The following FAM200B variants were observed in gnomAD, a reference collection of about 807,000 sequenced individuals.
FAM200B encodes zinc finger BED-type containing 11, also known as protein FAM200B.
FAM200B carries 32 observed loss-of-function variants against 33.1 expected under a neutral mutation model. The observed-to-expected ratio is 0.97, with a 90% confidence interval of 0.73 to 1.30. The LOEUF is 1.30. FAM200B is among the 50% of genes most tolerant of loss of function. FAM200B has a pLI of 0.00. For synonymous variants in FAM200B, 240 were observed against 264.8 expected (o/e 0.91, Z 0.91); for missense variants, 741 against 754.0 (o/e 0.98, Z 0.20).
chr4:15,669,845 A>G, the FAM200B span, among the ~76,000 whole-genome samples: 2 of 152,200 alleles, frequency 1.3e-5, no homozygotes, highest in African/African-American at 4.8e-5. Context: ...ATTTTTTATG[A>G]ACTATATTTA....
At chr4:15,682,980 C>T (rs1478475497) in intron 1 of FAM200B, among the ~76,000 whole-genome samples, 5 of 152,164 alleles carry the variant, frequency 3.3e-5, no homozygotes, top group Admixed American at 1.3e-4. Context: ...TACACAAGCT[C>T]GGCGCCATTA....
intron 1 of FAM200B, 136 bp downstream of exon 1, chr4:15,682,037 A>T (rs1049155256): frequency 6.6e-6 from 1 of 152,404 alleles, no homozygotes; most frequent in East Asian, 1.9e-4. Context: ...AGCAGAAGCA[A>T]TCCGGGCCTG....
upstream of FAM200B, among the ~76,000 whole-genome samples, chr4:15,677,763 T>C (rs1457237515): frequency 6.6e-6 from 1 of 152,190 alleles, no homozygotes. Flanking sequence ...GTAGTAAATA[T>C]AGTGCTTTCC....
At position 15,689,584 on chromosome 4, in the gene FAM200B, G is replaced by C. The variant is rs1719214482; in HGVS notation, c.*633G>C. ...AGCCCAGGAGTTCAAGACCATCCTG[G>C]GCAACATAGTGAGACCTTATTTCTA... On this transcript the variant is annotated 3_prime_UTR_variant, in exon 2 of 2. Transcript: ENST00000422728. The C allele has an allele frequency of 6.0e-6, 1 of 166,018 alleles. No individual in the cohort carries two copies. The highest frequency in any genetic ancestry group is 2.4e-5 in the African/African-American group (1 of 41,400). The allele number at this position is 166,018 out of a possible 1,614,324, so 10.3% of individuals were successfully genotyped here. A position where few individuals can be genotyped will look rare whatever the true frequency, so the allele number is the denominator to read the frequency against.
the FAM200B span, among the ~76,000 whole-genome samples, chr4:15,664,720 G>A: frequency 6.6e-6 from 1 of 151,632 alleles, no homozygotes; most frequent in Admixed American, 6.6e-5. Context: ...ACCACGCCCG[G>A]CTAACTTTTG....
chr4:15,639,020 C>T, the FAM200B span, among the ~76,000 whole-genome samples: 43,748 of 151,974 alleles, frequency 0.29, 6,615 homozygotes, highest in East Asian at 0.47. Flanking sequence ...CAGAAGTAGC[C>T]GGGCGTGGTG....
the FAM200B span, among the ~76,000 whole-genome samples, chr4:15,654,939 CCCT>C: frequency 6.6e-6 from 1 of 151,942 alleles, no homozygotes; most frequent in Non-Finnish European, 1.5e-5. Flanking sequence ...CCGGTAGCGC[CCCT>C]CCTCAGCCGC....
intron 1 of FAM200B, chr4:15,685,002 C>CT (rs1292828442): frequency 6.6e-6 from 1 of 152,086 alleles, no homozygotes; most frequent in East Asian, 1.9e-4. Context: ...ATTTAACCAT[C>CT]GTTAAAGCAT....
the FAM200B span, among the ~76,000 whole-genome samples, chr4:15,665,260 A>C: frequency 6.6e-6 from 1 of 152,166 alleles, no homozygotes; most frequent in Non-Finnish European, 1.5e-5. Flanking sequence ...GTTTACGTGA[A>C]GTAGCCGTCA....
At chr4:15,662,953 T>C in the FAM200B span, among the ~76,000 whole-genome samples, 1 of 152,154 alleles carries the variant, frequency 6.6e-6, no homozygotes, top group Admixed American at 6.5e-5. Context: ...CATAAAACAA[T>C]AGAGCATATT....
In FAM200B at chr4:15,687,733, T is replaced by C; in HGVS notation, c.756T>C (p.Asp252=). ...ATGTCAGATATGCGTGGCAAGATGA[T>C]TTTTTGGAGGATTTTTTGTGTTTTT... ...LVYVRYAWQD[D]FLEDFLCFLN... Residue 252 remains aspartate (D), a synonymous_variant, in exon 2 of 2, where the codon GAT becomes GAC. Transcript: ENST00000422728. 1.3e-6 allele frequency: 2 copies of C among 1,550,456 alleles called. No homozygotes were observed. The highest frequency in any genetic ancestry group is 1.7e-6 in the Non-Finnish European group (2 of 1,146,424).
chr4:15,646,895 G>A, the FAM200B span, among the ~76,000 whole-genome samples: 1 of 151,882 alleles, frequency 6.6e-6, no homozygotes, highest in African/African-American at 2.4e-5. Context: ...GTCAGCCTCC[G>A]TGGGGATGCA....
intron 1 of FAM200B, among the ~76,000 whole-genome samples, chr4:15,685,214 T>C (rs367558138): frequency 6.6e-6 from 1 of 152,124 alleles, no homozygotes; most frequent in Admixed American, 6.5e-5. Flanking sequence ...GTGAAAATGA[T>C]TGTCATGAAA....
At chr4:15,652,362 C>T in the FAM200B span, among the ~76,000 whole-genome samples, 4 of 152,176 alleles carry the variant, frequency 2.6e-5, no homozygotes, top group Non-Finnish European at 5.9e-5. Flanking sequence ...CCACTAGCTG[C>T]TTATGTAACC....
chr4:15,655,505 T>G, the FAM200B span: 1 of 436,542 alleles, frequency 2.3e-6, no homozygotes, highest in Non-Finnish European at 3.0e-6. Flanking sequence ...GCTCGCGGCT[T>G]CTGCCTCCCG....
At chr4:15,655,514 C>G in the FAM200B span, 1 of 353,988 alleles carries the variant, frequency 2.8e-6, no homozygotes, top group African/African-American at 2.2e-5. Context: ...TTCTGCCTCC[C>G]GCCCCCACTC....
the FAM200B span, among the ~76,000 whole-genome samples, chr4:15,666,444 G>C: frequency 6.6e-6 from 1 of 151,984 alleles, no homozygotes; most frequent in Non-Finnish European, 1.5e-5. Context: ...CACATTTGTG[G>C]AATCTAAAAT....
the FAM200B span, among the ~76,000 whole-genome samples, chr4:15,649,239 C>T: frequency 6.6e-6 from 1 of 151,586 alleles, no homozygotes. Context: ...ATGAAAAGTG[C>T]AAACATTTTT....
the FAM200B span, chr4:15,655,389 G>T: frequency 9.6e-7 from 1 of 1,043,186 alleles, no homozygotes; most frequent in Non-Finnish European, 1.2e-6. Context: ...GCATGCGCCC[G>T]CCCCGTCGGC....
Sources: gnomAD v4.1 joint callset for allele counts (sites outside exome capture counted in the v4.1 genomes callset) on GRCh38, gnomAD v4.1.1 for gene constraint, MANE v1.5 for transcripts, NCBI Gene and HGNC (gene_info 2026-07-23, HGNC 2026-07-21) for gene names.